Variants in RAD54L2 observed in about 807,000 individuals in gnomAD.
RAD54L2 encodes the protein RAD54 like 2.
Under a neutral mutation model 138.4 loss-of-function variants are expected in RAD54L2, and 27 were observed. That is an observed-to-expected ratio of 0.20 (90% CI 0.14 to 0.27). The LOEUF (loss-of-function observed/expected upper bound fraction) is 0.27, where lower values mean the gene tolerates loss of function less well. Among genes scored for constraint, RAD54L2 ranks in the 10% least tolerant of loss-of-function variants. The pLI is 1.00. For missense variants in RAD54L2, 1,396 were observed against 1,890.2 expected (o/e 0.74, Z 4.85); for synonymous variants, 644 against 723.2 (o/e 0.89, Z 1.76).
intron 2 of RAD54L2, among the ~76,000 whole-genome samples, chr3:51,573,166 G>T (rs1699380021): frequency 1.3e-5 from 2 of 152,160 alleles, no homozygotes; most frequent in Non-Finnish European, 2.9e-5. Context: ...GGGCAAGCTG[G>T]TGAGTACAAT....
At chr3:51,647,623 C>A (rs1006833805) in intron 19 of RAD54L2, among the ~76,000 whole-genome samples, 1 of 152,016 alleles carries the variant, frequency 6.6e-6, no homozygotes, top group African/African-American at 2.4e-5. Flanking sequence ...GAGCCGAGAT[C>A]GCGCCATTGC....
chr3:51,553,796 C>T lies in RAD54L2; in HGVS notation c.-55+12146C>T, dbSNP rs36030849. Reference sequence around the variant, plus strand: ...GCAGTATGCTATCATTGCACCACTGCGCTCTGGCCTGGGCGACAGAACAAG... The same window carrying T: ...GCAGTATGCTATCATTGCACCACTGTGCTCTGGCCTGGGCGACAGAACAAG... On this transcript the variant is annotated intron_variant, in intron 2 of 22. Coordinates refer to ENST00000684192, the MANE Select transcript of RAD54L2 (RefSeq NM_015106.4). Among the ~76,000 whole-genome samples the T allele has an allele frequency of 2.5e-3, 388 of 152,282 alleles. 1 individual carries two copies. The highest frequency in any genetic ancestry group is 4.2e-3 in the Non-Finnish European group (287 of 68,030).
intron 2 of RAD54L2, among the ~76,000 whole-genome samples, chr3:51,542,848 A>G (rs782256450): frequency 2.6e-5 from 4 of 152,078 alleles, no homozygotes; most frequent in Admixed American, 6.6e-5. Flanking sequence ...TTTTTTCCTG[A>G]CAGTTTGTAT....
intron 19 of RAD54L2, among the ~76,000 whole-genome samples, chr3:51,649,321 T>C (rs1191935829): frequency 2.0e-5 from 3 of 152,092 alleles, no homozygotes; most frequent in Non-Finnish European, 4.4e-5. Flanking sequence ...AAATCTACGT[T>C]TGATTGGTGT....
intron 2 of RAD54L2, among the ~76,000 whole-genome samples, chr3:51,561,404 C>G (rs56089924): frequency 0.044 from 6,687 of 152,232 alleles, 238 homozygotes; most frequent in Non-Finnish European, 0.065. Flanking sequence ...TGCCGCCATG[C>G]CCGGCTAATT....
chr3:51,622,895 C>T (rs1339872414), intron 3 of RAD54L2, among the ~76,000 whole-genome samples: 1 of 152,206 alleles, frequency 6.6e-6, no homozygotes, highest in Non-Finnish European at 1.5e-5. Context: ...GGTGCCTACC[C>T]ATTCTGTTAT....
intron 2 of RAD54L2, 193 bp downstream of exon 2, chr3:51,541,843 TTAAA>T (rs1553671376): frequency 1.3e-5 from 2 of 152,226 alleles, no homozygotes; most frequent in African/African-American, 4.8e-5. Context: ...ATCAAGGTAT[TTAAA>T]TAATAAATGA....
chr3:51,621,522 C>A (rs1023517467), intron 3 of RAD54L2, among the ~76,000 whole-genome samples: 1 of 152,192 alleles, frequency 6.6e-6, no homozygotes, highest in African/African-American at 2.4e-5. Flanking sequence ...TCCATTCTTT[C>A]TCCTCCCGGG....
At position 51,637,512 on chromosome 3, in the gene RAD54L2, T is replaced by C. The variant is rs1248457687; in HGVS notation, c.1682+9T>C. 3.8e-6 allele frequency: 6 copies of C among 1,599,302 alleles called. No homozygotes were observed. Among genetic ancestry groups the C allele is most frequent in the Middle Eastern group, 3.3e-4 (2 of 6,052 alleles). On this transcript the variant is annotated intron_variant, in intron 11 of 22. Transcript: ENST00000684192. The surrounding 1 kb of genome is among the most constrained non-coding windows in gnomAD (Gnocchi z 5.9). ...GAGGGCTTTGTGCAGAGGTGAGCCA[T>C]CCTCAGGGTCCTGCTTCCTGAATTT...
chr3:51,564,532 C>CTTTA (rs1699169225), intron 2 of RAD54L2, among the ~76,000 whole-genome samples: 1 of 152,182 alleles, frequency 6.6e-6, no homozygotes, highest in South Asian at 2.1e-4. Flanking sequence ...CTGCCCTTTC[C>CTTTA]TTTAGCCTTC....
At position 51,637,133 on chromosome 3, in the gene RAD54L2, C is replaced by T. The variant is rs770855890; in HGVS notation, c.1340-28C>T. ...GACTAAGAGCAGGCCCTGTCACCCT[C>T]TGACTCCGGATCCTCTTCCCTCCCT... On this transcript the variant is annotated intron_variant, in intron 10 of 22. Transcript: ENST00000684192. This position sits in a 1 kb window ranked among gnomAD's most constrained non-coding sequence, Gnocchi z 5.9. 41 of 1,549,966 alleles carry T rather than the reference C, an allele frequency of 2.6e-5. No individual in the cohort carries two copies. Among genetic ancestry groups the T allele is most frequent in the Non-Finnish European group, 3.3e-5 (38 of 1,143,962 alleles).
chr3:51,577,989 G>C (rs1422796696), intron 2 of RAD54L2, among the ~76,000 whole-genome samples: 1 of 151,928 alleles, frequency 6.6e-6, no homozygotes, highest in Non-Finnish European at 1.5e-5. Context: ...AGGATGTTCT[G>C]TTACATAACC....
rs551676488 is a variant in RAD54L2, at chr3:51,641,837, C to A, written c.2320C>A (p.Gln774Lys). 1.8e-5 allele frequency: 28 copies of A among 1,595,016 alleles called. No individual in the cohort carries two copies. The African/African-American group carries it at 3.6e-4, about 21-fold the overall frequency. Residue 774 changes from glutamine (Q) to lysine (K), a missense_variant, in exon 15 of 23, where the codon CAG becomes AAG. Coordinates refer to ENST00000684192, the MANE Select transcript of RAD54L2 (RefSeq NM_015106.4). Reference protein sequence around the residue: ...CPPGTEGQGAQKWVRNISYFR... With the variant: ...CPPGTEGQGAKKWVRNISYFR... ...ACCTGGTACCGAGGGGCAAGGAGCA[C>A]AGAAGTGGGTTCGAAACATCAGCTA...
At chr3:51,548,920 G>A (rs917839048) in intron 2 of RAD54L2, among the ~76,000 whole-genome samples, 2 of 147,626 alleles carry the variant, frequency 1.4e-5, no homozygotes, top group Admixed American at 7.1e-5. Flanking sequence ...TCCGCTTCCC[G>A]GGTTCAAACG....
At chr3:51,593,001 A>T (rs1044284319) in intron 3 of RAD54L2, among the ~76,000 whole-genome samples, 1 of 152,082 alleles carries the variant, frequency 6.6e-6, no homozygotes, top group Non-Finnish European at 1.5e-5. Flanking sequence ...TAGCTATTCT[A>T]CTAGTAAGAA....
chr3:51,552,758 C>G (rs1339393454), intron 2 of RAD54L2, among the ~76,000 whole-genome samples: 1 of 151,714 alleles, frequency 6.6e-6, no homozygotes, highest in Admixed American at 6.6e-5. Context: ...TGAAGTCTCA[C>G]TATGTTGCCC....
intron 4 of RAD54L2, 88 bp from the exon 5 acceptor site, chr3:51,629,246 C>G: frequency 7.1e-7 from 1 of 1,401,178 alleles, no homozygotes; most frequent in Non-Finnish European, 9.7e-7. Context: ...ACTCTGAGAT[C>G]ATCAATGGCT....
chr3:51,628,709 C>A (rs903758947), intron 4 of RAD54L2, among the ~76,000 whole-genome samples: 1 of 151,760 alleles, frequency 6.6e-6, no homozygotes, highest in Non-Finnish European at 1.5e-5. Context: ...TTCTTTTCTA[C>A]ATGACAACAC....
chr3:51,641,672 C>T, intron 14 of RAD54L2, 77 bp from the exon 15 acceptor site: 1 of 955,610 alleles, frequency 1.0e-6, no homozygotes, highest in Non-Finnish European at 1.6e-6. Context: ...CAGAAAGTTG[C>T]ACAAGAGTAT....
Sources: allele counts gnomAD v4.1 joint callset (sites outside exome capture counted in the v4.1 genomes callset), GRCh38; gene constraint gnomAD v4.1.1; non-coding constraint Gnocchi (gnomAD v3.1); transcripts MANE v1.5; gene names NCBI Gene and HGNC (gene_info 2026-07-23, HGNC 2026-07-21).